Variants in ANO6 observed in about 807,000 individuals in gnomAD.
The protein encoded by ANO6 is anoctamin-6.
In ANO6, 106 loss-of-function variants were observed where a neutral mutation model predicts 117.5. That is an observed-to-expected ratio of 0.90 (90% CI 0.77 to 1.06). The LOEUF is 1.06. Among genes scored for constraint, ANO6 ranks in the 50% least tolerant of loss-of-function variants. ANO6 has a pLI of 0.00. For missense variants in ANO6, 955 were observed against 1,121.1 expected, an observed-to-expected ratio of 0.85 and a Z score of 2.12; for synonymous variants, 367 against 385.1, an observed-to-expected ratio of 0.95 and a Z score of 0.55.
chr12:45,364,439 G>T (rs1295843705), intron 8 of ANO6, among the ~76,000 whole-genome samples: 1 of 151,996 alleles, frequency 6.6e-6, no homozygotes, highest in Non-Finnish European at 1.5e-5. Context: ...GTATGTGTTG[G>T]TATATTTGAT....
At chr12:45,435,075 T>C (rs142271979), downstream of ANO6, among the ~76,000 whole-genome samples, 16 of 152,326 alleles carry the variant, frequency 1.1e-4, no homozygotes, top group East Asian at 2.9e-3. Context: ...ACCTGTTCAA[T>C]GTGAACAGTG....
chr12:45,363,563 CAAAA>C (rs528756231), intron 8 of ANO6, among the ~76,000 whole-genome samples: 1 of 113,836 alleles, frequency 8.8e-6, no homozygotes, highest in South Asian at 2.8e-4. Flanking sequence ...GACTCTGTCT[CAAAA>C]AAAAAAAAAA....
In ANO6 at chr12:45,429,605, T is replaced by C. The variant is rs760270207; in HGVS notation, c.*294T>C. The C allele has an allele frequency of 7.1e-5, 86 of 1,206,156 alleles. No homozygotes were observed. Among genetic ancestry groups the C allele is most frequent in the Non-Finnish European group, 1.4e-5 (13 of 962,510 alleles). The allele number at this position is 1,206,156 out of a possible 1,614,324, so 74.7% of individuals were successfully genotyped here. A position where few individuals can be genotyped will look rare whatever the true frequency, so the allele number is the denominator to read the frequency against. On this transcript the variant is annotated 3_prime_UTR_variant, in exon 20 of 20. Transcript: ENST00000320560. ...CAGTGTGCTTAAAAACCACCCCTTC[T>C]AAAGTAGAATGGATTCTTTTTTTTC...
At chr12:45,291,490 T>C (rs754482530) in intron 1 of ANO6, among the ~76,000 whole-genome samples, 2 of 151,884 alleles carry the variant, frequency 1.3e-5, no homozygotes, top group Non-Finnish European at 2.9e-5. Context: ...AAAATTTTTG[T>C]GCATCAAGGG....
intron 2 of ANO6, among the ~76,000 whole-genome samples, chr12:45,328,635 T>G (rs1176778371): frequency 2.0e-5 from 3 of 152,082 alleles, no homozygotes; most frequent in African/African-American, 7.3e-5. Context: ...TCTAAATATT[T>G]ACGTAAAGGC....
At chr12:45,392,895 C>G (rs1285681401) in intron 12 of ANO6, among the ~76,000 whole-genome samples, 1 of 152,172 alleles carries the variant, frequency 6.6e-6, no homozygotes, top group Non-Finnish European at 1.5e-5. Flanking sequence ...GAGGAGAAAC[C>G]AGCAGAAAAG....
rs751811799 is a variant in ANO6 at position 45,331,378 on chromosome 12, A to C, written c.234A>C (p.Glu78Asp). 1 of 1,609,008 alleles carries C rather than the reference A, an allele frequency of 6.2e-7. No homozygotes were observed. The highest frequency in any genetic ancestry group is 2.2e-5 in the East Asian group (1 of 44,676). The change falls in exon 3 of 20, where the codon GAA becomes GAC. Residue 78 changes from glutamate to aspartate, a missense_variant. Physicochemically the swap from Glu to Asp is conservative, Grantham distance 45 (BLOSUM62 2). Transcript: ENST00000320560. The part of the protein sequence containing the change: ...RIDFVLVYED[E>D]SRKETNKKGT... Reference sequence around the variant, plus strand: ...ACTTTGTTCTAGTATATGAGGATGAAAGCAGAAAAGAGACCAATAAAAAGG... The same window carrying C: ...ACTTTGTTCTAGTATATGAGGATGACAGCAGAAAAGAGACCAATAAAAAGG...
At chr12:45,386,620 A>G (rs1156719664) in intron 10 of ANO6, among the ~76,000 whole-genome samples, 2 of 152,096 alleles carry the variant, frequency 1.3e-5, no homozygotes, top group Non-Finnish European at 2.9e-5. Context: ...ACTACCTTCA[A>G]AGTCTCCTCC....
intron 15 of ANO6, among the ~76,000 whole-genome samples, chr12:45,406,142 A>G (rs1451145590): frequency 6.6e-6 from 1 of 152,214 alleles, no homozygotes; most frequent in Non-Finnish European, 1.5e-5. Flanking sequence ...AAAGGAGCAT[A>G]TCTGGCTCAG....
intron 18 of ANO6, 135 bp from the exon 19 acceptor site, chr12:45,422,822 C>T (rs1190005089): frequency 5.5e-6 from 4 of 726,516 alleles, no homozygotes; most frequent in Non-Finnish European, 1.0e-5. Flanking sequence ...GATCCACATG[C>T]CTCAGCCTCC....
At chr12:45,367,642 G>A (rs1941719898) in intron 8 of ANO6, 46 bp from the exon 9 acceptor site, 1 of 1,485,964 alleles carries the variant, frequency 6.7e-7, no homozygotes, top group Admixed American at 1.7e-5. Context: ...ATTTTATCAT[G>A]CTGCTTTAAA....
At chr12:45,360,390 C>T (rs977445700) in intron 8 of ANO6, among the ~76,000 whole-genome samples, 1 of 152,234 alleles carries the variant, frequency 6.6e-6, no homozygotes, top group Admixed American at 6.5e-5. Context: ...CCCTCATCAA[C>T]TCCTTTTATA....
chr12:45,424,327 G>GGTTTTTTTTT (rs1943439717), intron 19 of ANO6, among the ~76,000 whole-genome samples: 11 of 81,240 alleles, frequency 1.4e-4, no homozygotes, highest in African/African-American at 5.4e-4. Flanking sequence ...TAGGTGATGG[G>GGTTTTTTTTT]TTTTTTTTTT....
intron 1 of ANO6, among the ~76,000 whole-genome samples, chr12:45,235,462 G>C (rs975878108): frequency 6.6e-6 from 1 of 152,194 alleles, no homozygotes; most frequent in Non-Finnish European, 1.5e-5. Flanking sequence ...TTACTGCAAT[G>C]TGGGAAAACC....
Position 45,409,276 on chromosome 12 carries a change from G to T in ANO6, c.1881-81G>T, listed in dbSNP as rs75885573. 2,797 of 1,551,882 alleles carry T rather than the reference G, an allele frequency of 1.8e-3. 50 individuals are homozygous for T. The African/African-American group carries it at 0.034, about 19-fold the overall frequency. On this transcript the variant is annotated intron_variant, in intron 15 of 19. Coordinates refer to ENST00000320560, the MANE Select transcript of ANO6 (RefSeq NM_001025356.3). ...GTTTATTGGGAAGATTACTTGTGCA[G>T]CTTTGAGATAGCAGCAAAATATTTT...
intron 1 of ANO6, among the ~76,000 whole-genome samples, chr12:45,229,470 A>G (rs2137136859): frequency 6.7e-6 from 1 of 148,788 alleles, no homozygotes; most frequent in African/African-American, 2.5e-5. Flanking sequence ...GCTCACTGCA[A>G]CCTCCACCTC....
chr12:45,228,324 AGAGATTGG>A, intron 1 of ANO6: 1 of 186,578 alleles, frequency 5.4e-6, no homozygotes, highest in South Asian at 4.4e-5. Flanking sequence ...TTTTATTATT[AGAGATTGG>A]TCTCACTATG....
rs943745462 is a variant in ANO6, at chr12:45,238,312, G to A, written c.70+21921G>A. Among the ~76,000 whole-genome samples the A allele has an allele frequency of 4.0e-5, 6 of 151,836 alleles. No individual in the cohort carries two copies. In the South Asian group the frequency reaches 8.4e-4, roughly 21 times the overall value. On this transcript the variant is annotated intron_variant, in intron 1 of 19. Coordinates refer to ENST00000320560, the MANE Select transcript of ANO6 (RefSeq NM_001025356.3). ...ATTACAGGCACCTGCCAGCATGACC[G>A]GCTAATTTTTCTATTTTTAGTAGAG...
chr12:45,357,505 G>A, intron 8 of ANO6, 81 bp downstream of exon 8: 2 of 1,529,344 alleles, frequency 1.3e-6, no homozygotes, highest in Non-Finnish European at 9.0e-7. Context: ...AACTGTTTTG[G>A]TAAGACAAGA....
Sources: allele counts gnomAD v4.1 joint callset (sites outside exome capture counted in the v4.1 genomes callset), GRCh38; gene constraint gnomAD v4.1.1; transcripts MANE v1.5; gene names NCBI Gene and HGNC (gene_info 2026-07-23, HGNC 2026-07-21).